Variants in CDKAL1 observed in about 807,000 individuals in gnomAD.
CDKAL1 encodes the protein CDKAL1 threonylcarbamoyladenosine tRNA methylthiotransferase, also known as threonylcarbamoyladenosine tRNA methylthiotransferase.
A neutral mutation model predicts 68.2 loss-of-function variants in CDKAL1; 32 were observed. The ratio of observed to expected loss-of-function variants is 0.47; its 90% CI spans 0.35 to 0.63. The LOEUF is 0.63. Among genes scored for constraint, CDKAL1 ranks in the 30% least tolerant of loss-of-function variants. The pLI is 0.00. For missense variants in CDKAL1, 606 were observed against 696.7 expected, an observed-to-expected ratio of 0.87 and a Z score of 1.47; for synonymous variants, 234 against 244.3, an observed-to-expected ratio of 0.96 and a Z score of 0.39.
intron 10 of CDKAL1, among the ~76,000 whole-genome samples, chr6:20,986,064 CTTTG>C (rs1194146305): frequency 4.6e-5 from 7 of 151,880 alleles, no homozygotes; most frequent in Non-Finnish European, 1.0e-4. Flanking sequence ...TCTGATTCTC[CTTTG>C]TTTGTTGTTT....
intron 9 of CDKAL1, among the ~76,000 whole-genome samples, chr6:20,847,010 A>T (rs1778400005): frequency 1.3e-5 from 2 of 152,138 alleles, no homozygotes; most frequent in African/African-American, 4.8e-5. Flanking sequence ...TCAGTATTTC[A>T]TACTCTGGGT....
At chr6:20,798,917 C>CAAAAAAAA (rs200034795) in intron 8 of CDKAL1, among the ~76,000 whole-genome samples, 6 of 103,176 alleles carry the variant, frequency 5.8e-5, no homozygotes, top group African/African-American at 7.1e-5. Flanking sequence ...TATAATAATA[C>CAAAAAAAA]AAAAAAAAAA....
chr6:21,170,288 T>G (rs1382473382), intron 13 of CDKAL1, among the ~76,000 whole-genome samples: 1 of 152,196 alleles, frequency 6.6e-6, no homozygotes. Context: ...TTTATTAGTT[T>G]TCTTATTTTA....
intron 9 of CDKAL1, among the ~76,000 whole-genome samples, chr6:20,850,540 C>G (rs1758951260): frequency 6.6e-6 from 1 of 151,976 alleles, no homozygotes; most frequent in South Asian, 2.1e-4. Flanking sequence ...TGGGCTCAAG[C>G]AATCCTCCCA....
chr6:20,755,372 A>C (rs900843781), intron 6 of CDKAL1, among the ~76,000 whole-genome samples: 1 of 152,152 alleles, frequency 6.6e-6, no homozygotes, highest in South Asian at 2.1e-4. Flanking sequence ...TTCTTCAGAA[A>C]TACTAAATGC....
chr6:21,216,349 C>A (rs1335144495), intron 15 of CDKAL1, among the ~76,000 whole-genome samples: 1 of 152,020 alleles, frequency 6.6e-6, no homozygotes, highest in Non-Finnish European at 1.5e-5. Context: ...CTCCTGTATT[C>A]CCAGCATTTT....
Position 21,230,884 on chromosome 6 carries a change from G to C in CDKAL1, c.1585G>C (p.Gly529Arg). The part of the protein sequence containing the change: ...RNGLGNQLSS[G>R]SHTSAASQCD... ...TGGGCTTGGGAACCAGCTGAGTTCA[G>C]GATCCCACACCTCTGCTGCATCTCA... The change falls in exon 16 of 16, where the codon GGA (glycine) becomes CGA (arginine). Residue 529 changes from glycine to arginine, a missense_variant. By Grantham distance (125) the Gly-to-Arg change is moderately radical. Coordinates refer to ENST00000274695, the MANE Select transcript of CDKAL1 (RefSeq NM_017774.3). 1 of 1,612,092 alleles carries C rather than the reference G, an allele frequency of 6.2e-7. No homozygotes were observed. Among genetic ancestry groups the C allele is most frequent in the Admixed American group, 1.7e-5 (1 of 59,892 alleles).
chr6:20,985,948 A>G (rs73379532), intron 10 of CDKAL1, among the ~76,000 whole-genome samples: 1,635 of 151,822 alleles, frequency 0.011, 31 homozygotes, highest in African/African-American at 0.036. Flanking sequence ...TTCTTTTTGT[A>G]TCTATTTATT....
intron 15 of CDKAL1, among the ~76,000 whole-genome samples, chr6:21,212,020 T>TA (rs1779168336): frequency 6.6e-6 from 1 of 152,068 alleles, no homozygotes; most frequent in Admixed American, 6.6e-5. Flanking sequence ...CTCAGCCTCT[T>TA]AGAGTGCTGG....
At chr6:20,666,675 A>G (rs1769560509) in intron 5 of CDKAL1, among the ~76,000 whole-genome samples, 1 of 138,720 alleles carries the variant, frequency 7.2e-6, no homozygotes, top group Non-Finnish European at 1.5e-5. Context: ...CGCCCGCTGC[A>G]TTCCAAAGAA....
intron 4 of CDKAL1, among the ~76,000 whole-genome samples, chr6:20,639,651 T>C (rs1420988803): frequency 6.6e-6 from 1 of 152,178 alleles, no homozygotes; most frequent in Admixed American, 6.5e-5. Context: ...AATTAATCTA[T>C]TGACCAGAAT....
intron 9 of CDKAL1, among the ~76,000 whole-genome samples, chr6:20,871,101 G>C (rs921064276): frequency 2.0e-5 from 3 of 152,134 alleles, no homozygotes; most frequent in Admixed American, 1.3e-4. Flanking sequence ...TGATTGAGTG[G>C]CATTAACCAA....
intron 4 of CDKAL1, among the ~76,000 whole-genome samples, chr6:20,618,499 C>T (rs1767030061): frequency 6.6e-6 from 1 of 152,126 alleles, no homozygotes. Context: ...ATGCCTATGT[C>T]CTGAATGATA....
intron 15 of CDKAL1, among the ~76,000 whole-genome samples, chr6:21,226,188 C>T (rs536034591): frequency 2.6e-5 from 4 of 151,978 alleles, no homozygotes; most frequent in African/African-American, 7.2e-5. Context: ...CTGCTAAAGA[C>T]GAAGGAAATA....
intron 11 of CDKAL1, among the ~76,000 whole-genome samples, chr6:21,053,369 A>G (rs532383984): frequency 2.6e-4 from 39 of 152,352 alleles, no homozygotes; most frequent in African/African-American, 9.4e-4. Flanking sequence ...TCATTCAACA[A>G]TTGATAGACA....
At chr6:20,918,089 C>T (rs1762797039) in intron 9 of CDKAL1, among the ~76,000 whole-genome samples, 3 of 152,088 alleles carry the variant, frequency 2.0e-5, no homozygotes, top group Admixed American at 1.3e-4. Flanking sequence ...CCAGCCAGGG[C>T]GACAGCCCAA....
chr6:20,746,015 G>T (rs1773651122), intron 6 of CDKAL1, among the ~76,000 whole-genome samples: 1 of 152,152 alleles, frequency 6.6e-6, no homozygotes, highest in Non-Finnish European at 1.5e-5. Context: ...CTGTTTCTGT[G>T]TGTGATTGAG....
intron 15 of CDKAL1, among the ~76,000 whole-genome samples, chr6:21,227,109 G>GTTT (rs540497392): frequency 2.7e-4 from 41 of 152,326 alleles, no homozygotes; most frequent in Non-Finnish European, 4.9e-4. Context: ...TCTTGATAAG[G>GTTT]TTTTAAAGGT....
At chr6:21,044,663 T>C (rs9460588) in intron 11 of CDKAL1, among the ~76,000 whole-genome samples, 40,942 of 151,938 alleles carry the variant, frequency 0.27, 5,662 homozygotes, top group South Asian at 0.35. Context: ...CTTCTAAATA[T>C]TCAGTTGAGC....
Sources: gnomAD v4.1 joint callset for allele counts (sites outside exome capture counted in the v4.1 genomes callset) on GRCh38, gnomAD v4.1.1 for gene constraint, MANE v1.5 for transcripts, NCBI Gene and HGNC (gene_info 2026-07-23, HGNC 2026-07-21) for gene names.